ATR: variants seen among roughly 807,000 people sequenced by gnomAD.
The protein encoded by ATR is serine/threonine-protein kinase ATR.
ATR carries 142 observed loss-of-function variants against 305.3 expected under a neutral mutation model. That is an observed-to-expected ratio of 0.47 (90% CI 0.41 to 0.53). The LOEUF (loss-of-function observed/expected upper bound fraction) is 0.53. ATR is among the 20% of genes least tolerant of loss of function. The probability of loss-of-function intolerance (pLI) is 0.00; values close to 1 mark genes in which losing one functional copy is unlikely to be tolerated. For missense variants in ATR, 2,135 were observed against 3,133.1 expected, an observed-to-expected ratio of 0.68 and a Z score of 7.60; for synonymous variants, 1,050 against 1,068.1, an observed-to-expected ratio of 0.98 and a Z score of 0.33.
chr3:142,519,103 C>T (rs1014281789), intron 24 of ATR, among the ~76,000 whole-genome samples: 6 of 151,790 alleles, frequency 4.0e-5, no homozygotes, highest in African/African-American at 9.7e-5. Context: ...AATTTACTAC[C>T]GACCATTGAA....
intron 38 of ATR, among the ~76,000 whole-genome samples, chr3:142,469,112 T>C (rs1320030786): frequency 6.6e-6 from 1 of 152,202 alleles, no homozygotes; most frequent in Non-Finnish European, 1.5e-5. Context: ...ACATGCTGAA[T>C]TATTTGATCT....
chr3:142,544,794 G>C (rs774691054), intron 16 of ATR, among the ~76,000 whole-genome samples: 2 of 152,062 alleles, frequency 1.3e-5, no homozygotes, highest in Non-Finnish European at 2.9e-5. Flanking sequence ...ATAGAGAGGA[G>C]TGAGGTATCC....
intron 18 of ATR, among the ~76,000 whole-genome samples, chr3:142,538,945 A>T (rs965141493): frequency 1.3e-5 from 2 of 152,162 alleles, no homozygotes; most frequent in Non-Finnish European, 2.9e-5. Flanking sequence ...AGAGGTCGAA[A>T]TTGGAATCTA....
At chr3:142,470,256 A>G in intron 36 of ATR, 73 bp from the exon 37 acceptor site, 1 of 1,274,222 alleles carries the variant, frequency 7.8e-7, no homozygotes, top group Non-Finnish European at 1.1e-6. Flanking sequence ...AAATTTAAAG[A>G]TTCAAACTAC....
At chr3:142,519,582 G>T in intron 24 of ATR, 87 bp downstream of exon 24, 2 of 1,074,584 alleles carry the variant, frequency 1.9e-6, no homozygotes, top group Admixed American at 1.9e-5. Flanking sequence ...TTACAGGCGT[G>T]AGCCACTGCA....
Position 142,458,873 on chromosome 3 carries a change from A to AGGAAG in ATR, c.7503+84_7503+85insCTTCC, listed in dbSNP as rs2070964718. 3 of 1,454,894 alleles carry AGGAAG rather than the reference A, an allele frequency of 2.1e-6. No individual in the cohort carries two copies. The African/African-American group carries it at 4.2e-5, about 20-fold the overall frequency. The allele number at this position is 1,454,894 out of a possible 1,614,324, so 90.1% of individuals were successfully genotyped here. A position where few individuals can be genotyped will look rare whatever the true frequency, so the allele number is the denominator to read the frequency against. On this transcript the variant is annotated intron_variant, in intron 44 of 46. Transcript: ENST00000350721. Reference sequence around the variant, plus strand: ...CTCAACTGTGAGTATAACTGCTACTAACAGGTATGTCAAGGAAGATACAGT... The same window carrying AGGAAG: ...CTCAACTGTGAGTATAACTGCTACTAGGAAGACAGGTATGTCAAGGAAGATACAGT...
intron 46 of ATR, chr3:142,451,495 C>T: frequency 6.9e-7 from 1 of 1,455,734 alleles, no homozygotes; most frequent in Non-Finnish European, 9.2e-7. Flanking sequence ...CAAAAGAACA[C>T]AGACTGGACC....
intron 37 of ATR, among the ~76,000 whole-genome samples, 199 bp downstream of exon 37, chr3:142,469,887 G>A (rs1336715272): frequency 2.0e-5 from 3 of 151,982 alleles, no homozygotes; most frequent in Non-Finnish European, 2.9e-5. Context: ...TTGTATTTGT[G>A]GCCCTGAATT....
chr3:142,545,943 G>C (rs1021642221), intron 16 of ATR, among the ~76,000 whole-genome samples: 1 of 152,152 alleles, frequency 6.6e-6, no homozygotes. Flanking sequence ...GGAATTGTTT[G>C]AGATGCTTAT....
Position 142,493,123 on chromosome 3 carries a change from T to C in ATR, c.6078+9A>G, listed in dbSNP as rs1157835749. 3 of 1,612,848 alleles carry C rather than the reference T, an allele frequency of 1.9e-6. No homozygotes were observed. The highest frequency in any genetic ancestry group is 1.3e-5 in the African/African-American group (1 of 74,908). On this transcript the variant is annotated intron_variant, in intron 35 of 46. Coordinates refer to ENST00000350721, the MANE Select transcript of ATR (RefSeq NM_001184.4). ...GAGTTAACTGAAACTGCATTATACA[T>C]ATACTTGCCTTATATTTTTTCATAA...
intron 36 of ATR, among the ~76,000 whole-genome samples, chr3:142,482,193 C>T (rs1228175236): frequency 6.6e-6 from 1 of 152,064 alleles, no homozygotes; most frequent in Non-Finnish European, 1.5e-5. Context: ...CTTAAGGTTT[C>T]TAACCCTAAT....
chr3:142,456,320 C>T (rs945062029), intron 45 of ATR, among the ~76,000 whole-genome samples: 2 of 152,166 alleles, frequency 1.3e-5, no homozygotes, highest in African/African-American at 4.8e-5. Context: ...ATAATCCCAG[C>T]ACTTTGGGAG....
intron 22 of ATR, among the ~76,000 whole-genome samples, chr3:142,523,239 G>A (rs1455189976): frequency 3.9e-5 from 6 of 152,074 alleles, no homozygotes; most frequent in Admixed American, 1.3e-4. Context: ...GGCCAATATG[G>A]TGAAAGCCCA....
At chr3:142,499,820 T>C (rs886917873) in intron 30 of ATR, 102 bp from the exon 31 acceptor site, 8 of 916,844 alleles carry the variant, frequency 8.7e-6, no homozygotes, top group Admixed American at 2.3e-5. Flanking sequence ...TTTATTGAAT[T>C]TGCATTATAT....
intron 25 of ATR, 94 bp from the exon 26 acceptor site, chr3:142,513,732 T>C: frequency 7.9e-7 from 1 of 1,273,240 alleles, no homozygotes; most frequent in Non-Finnish European, 1.1e-6. Flanking sequence ...CAAACGAGTA[T>C]TCATTTTTAA....
At chr3:142,541,842 A>G (rs1244217074) in intron 17 of ATR, among the ~76,000 whole-genome samples, 3 of 152,060 alleles carry the variant, frequency 2.0e-5, no homozygotes, top group Non-Finnish European at 4.4e-5. Context: ...TGCAAAATTT[A>G]ATATGGTAAC....
chr3:142,479,726 A>G (rs542445879), intron 36 of ATR, among the ~76,000 whole-genome samples: 2 of 152,282 alleles, frequency 1.3e-5, no homozygotes, highest in African/African-American at 4.8e-5. Context: ...AGGTACACCA[A>G]TCAGACATAG....
At chr3:142,523,903 A>T (rs1482400979) in intron 22 of ATR, 90 bp downstream of exon 22, 28 of 1,327,614 alleles carry the variant, frequency 2.1e-5, no homozygotes, top group Non-Finnish European at 2.9e-5. Flanking sequence ...GCTTTTATTA[A>T]GGATAAGCTG....
intron 46 of ATR, chr3:142,450,989 C>G: frequency 8.1e-7 from 1 of 1,229,116 alleles, no homozygotes. Context: ...ATCAGAACAA[C>G]AAGCTGTGAA....
Sources: allele counts gnomAD v4.1 joint callset (sites outside exome capture counted in the v4.1 genomes callset), GRCh38; gene constraint gnomAD v4.1.1; transcripts MANE v1.5; gene names NCBI Gene and HGNC (gene_info 2026-07-23, HGNC 2026-07-21).